CFAP20DC: variants seen among roughly 807,000 people sequenced by gnomAD.
The protein encoded by CFAP20DC is protein CFAP20DC.
In CFAP20DC, 84 loss-of-function variants were observed where a neutral mutation model predicts 101.7. The observed-to-expected ratio is 0.83, with a 90% confidence interval of 0.69 to 0.99. The LOEUF (loss-of-function observed/expected upper bound fraction) is 0.99. Among genes scored for constraint, CFAP20DC ranks in the 50% least tolerant of loss-of-function variants. The pLI is 0.00. For missense variants in CFAP20DC, 1,007 were observed against 970.3 expected (o/e 1.04, Z -0.50); for synonymous variants, 359 against 351.2 (o/e 1.02, Z -0.25).
chr3:59,032,325 C>T (rs2094010236), intron 4 of CFAP20DC, among the ~76,000 whole-genome samples: 1 of 151,900 alleles, frequency 6.6e-6, no homozygotes, highest in Non-Finnish European at 1.5e-5. Flanking sequence ...ATCCCAGTGG[C>T]ACCTGGAATG....
rs1471955574 is a variant in CFAP20DC at position 59,001,569 on chromosome 3, G to A, written c.278+37988C>T. 1.3e-5 allele frequency among the ~76,000 whole-genome samples: 2 copies of A among 152,104 alleles called. No homozygotes were observed. The highest frequency in any genetic ancestry group is 2.4e-5 in the African/African-American group (1 of 41,406). On this transcript the variant is annotated intron_variant, in intron 4 of 16. Transcript: ENST00000482387. This position sits in a 1 kb window ranked among gnomAD's most constrained non-coding sequence, Gnocchi z 4.5. ...TGGGATTATAGGCATGCGCCACCAC[G>A]CCCAGCTAATTTTGTATTTTTAGTA...
chr3:58,756,654 G>T (rs1351265749), intron 15 of CFAP20DC, among the ~76,000 whole-genome samples: 1 of 151,952 alleles, frequency 6.6e-6, no homozygotes, highest in Non-Finnish European at 1.5e-5. Context: ...CTTCCTGTTT[G>T]TTCCCATCCC....
At chr3:58,981,375 C>T (rs1485774330) in intron 4 of CFAP20DC, among the ~76,000 whole-genome samples, 1 of 151,972 alleles carries the variant, frequency 6.6e-6, no homozygotes, top group East Asian at 1.9e-4. Context: ...TCATATGGAA[C>T]CAAAAAAGAG....
At chr3:58,937,328 CTCTAAGTGCTATCTCCT>C (rs2087845424) in intron 5 of CFAP20DC, among the ~76,000 whole-genome samples, 1 of 152,196 alleles carries the variant, frequency 6.6e-6, no homozygotes, top group African/African-American at 2.4e-5. Flanking sequence ...CCCAAGTCCA[CTCTAAGTGCTATCTCCT>C]TCAGAAAGCC....
rs536297683 is a variant in CFAP20DC, at chr3:58,778,586, A to T, written c.2238-24723T>A. Among the ~76,000 whole-genome samples the T allele has an allele frequency of 2.0e-5, 3 of 152,326 alleles. No homozygotes were observed. The East Asian group carries it at 5.8e-4, about 29-fold the overall frequency. ...GCCACAGTCACTGCCCAGGAACTTGAGAACCCACACACCAACCTGATCCCT... is the reference window on the plus strand; with the variant it reads ...GCCACAGTCACTGCCCAGGAACTTGTGAACCCACACACCAACCTGATCCCT... On this transcript the variant is annotated intron_variant, in intron 15 of 16. Transcript: ENST00000482387.
intron 13 of CFAP20DC, 144 bp downstream of exon 13, chr3:58,848,888 T>G: frequency 9.6e-7 from 1 of 1,037,240 alleles, no homozygotes; most frequent in South Asian, 1.8e-5. Context: ...ATTACCAAAC[T>G]AAAACACATC....
intron 5 of CFAP20DC, among the ~76,000 whole-genome samples, chr3:58,921,616 A>G (rs993715706): frequency 1.3e-5 from 2 of 152,118 alleles, no homozygotes; most frequent in Non-Finnish European, 1.5e-5. Context: ...TATGATTTCA[A>G]TCTTTTAAAT....
intron 5 of CFAP20DC, among the ~76,000 whole-genome samples, chr3:58,936,899 C>T (rs144710521): frequency 0.011 from 1,572 of 149,638 alleles, 30 homozygotes; most frequent in African/African-American, 0.037. Context: ...ATTGTGCACA[C>T]GTACCCTAAA....
chr3:58,757,350 T>C (rs1370251233), intron 15 of CFAP20DC, among the ~76,000 whole-genome samples: 7 of 151,956 alleles, frequency 4.6e-5, no homozygotes, highest in African/African-American at 1.7e-4. Context: ...TAAGGGCATG[T>C]ATGTAATACA....
rs2093664058 is a variant in CFAP20DC, at chr3:59,015,213, G to T, written c.278+24344C>A. Among the ~76,000 whole-genome samples the T allele has an allele frequency of 6.6e-6, 1 of 152,044 alleles. No homozygotes were observed. The highest frequency in any genetic ancestry group is 2.1e-4 in the South Asian group (1 of 4,824). On this transcript the variant is annotated intron_variant, in intron 4 of 16. Transcript: ENST00000482387. The surrounding 1 kb of genome is among the most constrained non-coding windows in gnomAD (Gnocchi z 5.4). ...GATGTCTGTAGTTAGCAGCCAGGAT[G>T]ATAGAACTAGCATTTACCATTTCCT...
intron 15 of CFAP20DC, among the ~76,000 whole-genome samples, chr3:58,771,526 C>G (rs1187694058): frequency 6.6e-6 from 1 of 152,056 alleles, no homozygotes; most frequent in Non-Finnish European, 1.5e-5. Context: ...CAAGCTACCC[C>G]CAAATATGCC....
intron 14 of CFAP20DC, among the ~76,000 whole-genome samples, chr3:58,811,085 C>A (rs1487891860): frequency 2.0e-5 from 3 of 152,144 alleles, no homozygotes; most frequent in African/African-American, 7.2e-5. Flanking sequence ...ACATTCCATG[C>A]TCATGGGTAG....
rs548264577 is a variant in CFAP20DC at position 58,813,381 on chromosome 3, C to A, written c.2176-6925G>T. On this transcript the variant is annotated intron_variant, in intron 14 of 16. Transcript: ENST00000482387. ...AGTATTTATGTGGTTAGCAACAATGCGATTCTAATAAGAAATCATTTTCAA... is the reference window on the plus strand; with the variant it reads ...AGTATTTATGTGGTTAGCAACAATGAGATTCTAATAAGAAATCATTTTCAA... Among the ~76,000 whole-genome samples, 3 of 151,890 alleles carry A rather than the reference C, an allele frequency of 2.0e-5. 1 individual carries two copies. In the South Asian group the frequency reaches 6.2e-4, roughly 32 times the overall value.
At chr3:58,821,714 A>G (rs1272245643) in intron 14 of CFAP20DC, among the ~76,000 whole-genome samples, 3 of 151,606 alleles carry the variant, frequency 2.0e-5, no homozygotes, top group South Asian at 2.1e-4. Context: ...AAACTAGTTC[A>G]ACCACTGTGG....
At chr3:58,919,312 C>T (rs1191922419) in intron 5 of CFAP20DC, among the ~76,000 whole-genome samples, 2 of 152,024 alleles carry the variant, frequency 1.3e-5, no homozygotes, top group African/African-American at 2.4e-5. Flanking sequence ...ACAATTTGCT[C>T]GTTCTTCTGT....
intron 15 of CFAP20DC, among the ~76,000 whole-genome samples, chr3:58,781,360 A>G (rs2107571872): frequency 6.6e-6 from 1 of 152,124 alleles, no homozygotes; most frequent in Middle Eastern, 3.4e-3. Flanking sequence ...TAGATTTCAA[A>G]TAACCAATCT....
chr3:58,747,095 A>G lies in CFAP20DC; in HGVS notation c.2333-4523T>C, dbSNP rs115118025. Among the ~76,000 whole-genome samples the G allele has an allele frequency of 2.6e-3, 395 of 152,324 alleles. 1 individual carries two copies. The highest frequency in any genetic ancestry group is 9.1e-3 in the African/African-American group (378 of 41,582). ...ACAGAAACTCTAGAAGGACAAATTAACAAATAAAACCATTTTCTGCTACTA... is the reference window on the plus strand; with the variant it reads ...ACAGAAACTCTAGAAGGACAAATTAGCAAATAAAACCATTTTCTGCTACTA... On this transcript the variant is annotated intron_variant, in intron 16 of 16. Transcript: ENST00000482387.
At chr3:58,823,224 T>C (rs2075811214) in intron 14 of CFAP20DC, among the ~76,000 whole-genome samples, 1 of 152,174 alleles carries the variant, frequency 6.6e-6, no homozygotes, top group Admixed American at 6.5e-5. Flanking sequence ...GCCTTGGCGA[T>C]GAATCCAGGG....
intron 1 of CFAP20DC, among the ~76,000 whole-genome samples, chr3:59,048,411 G>C (rs1346699635): frequency 6.6e-6 from 1 of 152,164 alleles, no homozygotes; most frequent in Non-Finnish European, 1.5e-5. Flanking sequence ...TATAGCTTGT[G>C]AGGGCAGGTA....
Sources: gnomAD v4.1 joint callset for allele counts (sites outside exome capture counted in the v4.1 genomes callset) on GRCh38, gnomAD v4.1.1 for gene constraint, Gnocchi (gnomAD v3.1) non-coding constraint, MANE v1.5 for transcripts, NCBI Gene and HGNC (gene_info 2026-07-23, HGNC 2026-07-21) for gene names.